Variants in ADARB2 observed in about 807,000 individuals in gnomAD.
The protein encoded by ADARB2 is adenosine deaminase RNA specific B2 (inactive).
ADARB2 carries 25 observed loss-of-function variants against 62.2 expected under a neutral mutation model. The observed-to-expected ratio is 0.40, with a 90% confidence interval of 0.29 to 0.56. The LOEUF (loss-of-function observed/expected upper bound fraction) is 0.56. Among genes scored for constraint, ADARB2 ranks in the 20% least tolerant of loss-of-function variants. ADARB2 has a pLI of 0.43. For synonymous variants in ADARB2, 572 were observed against 500.8 expected, an observed-to-expected ratio of 1.14 and a Z score of -1.90; for missense variants, 1,071 against 1,077.4, an observed-to-expected ratio of 0.99 and a Z score of 0.08.
intron 4 of ADARB2, among the ~76,000 whole-genome samples, chr10:1,252,543 T>C (rs1415761325): frequency 2.0e-5 from 3 of 152,218 alleles, no homozygotes; most frequent in Non-Finnish European, 4.4e-5. Context: ...CCAGTCTCCT[T>C]GTGGTTGGTA....
intron 1 of ADARB2, among the ~76,000 whole-genome samples, chr10:1,683,110 A>G (rs1327190210): frequency 6.6e-6 from 1 of 152,216 alleles, no homozygotes; most frequent in Non-Finnish European, 1.5e-5. Flanking sequence ...TGGGATAGAC[A>G]TGATTTCTCA....
chr10:1,609,954 CT>C, intron 1 of ADARB2, among the ~76,000 whole-genome samples: 1 of 152,232 alleles, frequency 6.6e-6, no homozygotes, highest in Non-Finnish European at 1.5e-5. Context: ...ACTTCAGATG[CT>C]TCTGCTTAGC....
At position 1,600,426 on chromosome 10, in the gene ADARB2, T is replaced by C. The variant is rs375292724; in HGVS notation, c.100+136625A>G. ...CTATAATCCCAACACTTTGGGAAGC[T>C]GAGATGGGGGGATCATCTGAGGTCA... On this transcript the variant is annotated intron_variant, in intron 1 of 9. Coordinates refer to ENST00000381312, the MANE Select transcript of ADARB2 (RefSeq NM_018702.4). Among the ~76,000 whole-genome samples, 41 of 152,068 alleles carry C rather than the reference T, an allele frequency of 2.7e-4. No individual in the cohort carries two copies. The East Asian group carries it at 8.0e-3, about 30-fold the overall frequency.
intron 3 of ADARB2, among the ~76,000 whole-genome samples, chr10:1,323,277 G>A (rs1831811996): frequency 6.7e-6 from 1 of 148,776 alleles, no homozygotes. Context: ...AACACTGTTA[G>A]GATATGTATG....
intron 7 of ADARB2, chr10:1,200,396 C>T (rs750782499): frequency 7.3e-6 from 4 of 545,626 alleles, no homozygotes; most frequent in South Asian, 2.7e-5. Context: ...GAAAATGAGT[C>T]GTTAGAGTGG....
intron 1 of ADARB2, among the ~76,000 whole-genome samples, chr10:1,677,175 C>G (rs1260525802): frequency 6.6e-6 from 1 of 152,200 alleles, no homozygotes; most frequent in East Asian, 1.9e-4. Flanking sequence ...AGGTTCAGAC[C>G]AAGATAACTG....
chr10:1,475,177 G>A (rs1369306853), intron 1 of ADARB2, among the ~76,000 whole-genome samples: 1 of 152,184 alleles, frequency 6.6e-6, no homozygotes, highest in Non-Finnish European at 1.5e-5. Flanking sequence ...AGCCCCCCCG[G>A]GGCAGGAGGG....
At position 1,276,660 on chromosome 10, in the gene ADARB2, GAC is replaced by G. The variant is rs1266955005; in HGVS notation, c.1078-5593_1078-5592del. Among the ~76,000 whole-genome samples, 97 of 152,222 alleles carry G rather than the reference GAC, an allele frequency of 6.4e-4. No homozygotes were observed. The Middle Eastern group carries it at 0.01, about 16-fold the overall frequency. ...AGACTCCCAAACAATAATAACGGGA[GAC>G]TTTAACACCCCACTGTCAACATTAG... On this transcript the variant is annotated intron_variant, in intron 3 of 9. Coordinates refer to ENST00000381312, the MANE Select transcript of ADARB2 (RefSeq NM_018702.4).
chr10:1,241,037 G>A (rs979597862), intron 5 of ADARB2, among the ~76,000 whole-genome samples: 11 of 152,104 alleles, frequency 7.2e-5, no homozygotes, highest in African/African-American at 1.4e-4. Flanking sequence ...TTGGGAGGCC[G>A]AGATAGGGTG....
chr10:1,264,310 A>G (rs1343091037), intron 4 of ADARB2, among the ~76,000 whole-genome samples: 1 of 152,244 alleles, frequency 6.6e-6, no homozygotes, highest in East Asian at 1.9e-4. Context: ...TTTAAGATCA[A>G]AGTGACTGCC....
At chr10:1,618,562 T>TC (rs56836259) in intron 1 of ADARB2, among the ~76,000 whole-genome samples, 24,094 of 151,794 alleles carry the variant, frequency 0.16, 2,013 homozygotes, top group Non-Finnish European at 0.19. Context: ...AGATTTTTTT[T>TC]TGAGAGAGGG....
At chr10:1,196,103 A>C (rs1836907685) in intron 8 of ADARB2, among the ~76,000 whole-genome samples, 1 of 151,490 alleles carries the variant, frequency 6.6e-6, no homozygotes, top group Non-Finnish European at 1.5e-5. Context: ...TCCCAGCTCC[A>C]TTCCCTCATT....
intron 1 of ADARB2, among the ~76,000 whole-genome samples, chr10:1,424,578 T>C (rs1214418034): frequency 6.6e-6 from 1 of 152,084 alleles, no homozygotes; most frequent in Non-Finnish European, 1.5e-5. Flanking sequence ...ACAATGCCCC[T>C]AAAGTGGTCA....
intron 1 of ADARB2, among the ~76,000 whole-genome samples, chr10:1,464,786 G>A (rs1831231345): frequency 6.7e-6 from 1 of 148,702 alleles, no homozygotes; most frequent in Non-Finnish European, 1.5e-5. Context: ...TGGAGAAGAG[G>A]GTGGACACAC....
intron 1 of ADARB2, among the ~76,000 whole-genome samples, chr10:1,639,980 A>G (rs1833961285): frequency 6.6e-6 from 1 of 152,168 alleles, no homozygotes; most frequent in Non-Finnish European, 1.5e-5. Flanking sequence ...AACCACTCAG[A>G]AAAAAACTTC....
At position 1,183,153 on chromosome 10, in the gene ADARB2, C is replaced by T; in HGVS notation, c.*40G>A. On this transcript the variant is annotated 3_prime_UTR_variant, in exon 10 of 10. Coordinates refer to ENST00000381312, the MANE Select transcript of ADARB2 (RefSeq NM_018702.4). ...GCCCCCCAGACACGGTCCCATCCCT[C>T]CAGCGTCCCGCTCAGCTCCAGCAGC... is the stretch of plus-strand genomic sequence containing the variant. 1.2e-6 allele frequency: 2 copies of T among 1,601,628 alleles called. No individual in the cohort carries two copies. The highest frequency in any genetic ancestry group is 2.2e-5 in the East Asian group (1 of 44,594).
At chr10:1,629,690 C>G (rs1213064549) in intron 1 of ADARB2, among the ~76,000 whole-genome samples, 1 of 152,024 alleles carries the variant, frequency 6.6e-6, no homozygotes, top group Non-Finnish European at 1.5e-5. Context: ...ACAAACTCCC[C>G]CAAACTGCCA....
rs150732975 is a variant in ADARB2 at position 1,595,180 on chromosome 10, CT to C, written c.100+141870del. ...TCCGCATGGATAATCTTTGAGCTGG[CT>C]TTTGGAAAATAAGTAAACATTTGCA... On this transcript the variant is annotated intron_variant, in intron 1 of 9. Transcript: ENST00000381312. Among the ~76,000 whole-genome samples the C allele has an allele frequency of 1.8e-3, 275 of 152,302 alleles. 5 individuals are homozygous for C. The East Asian group carries it at 0.05, about 28-fold the overall frequency.
chr10:1,526,176 A>T (rs550457068), intron 1 of ADARB2, among the ~76,000 whole-genome samples: 2,251 of 152,062 alleles, frequency 0.015, 51 homozygotes, highest in African/African-American at 0.051. Flanking sequence ...TGGGATTTGG[A>T]AAGGACACAG....
Sources: allele counts gnomAD v4.1 joint callset (sites outside exome capture counted in the v4.1 genomes callset), GRCh38; gene constraint gnomAD v4.1.1; transcripts MANE v1.5; gene names NCBI Gene and HGNC (gene_info 2026-07-23, HGNC 2026-07-21).